The following TAFA2 variants were observed in gnomAD, a reference collection of about 807,000 sequenced individuals.
The protein encoded by TAFA2 is TAFA chemokine like family member 2.
A neutral mutation model predicts 18.8 loss-of-function variants in TAFA2; 7 were observed. The observed-to-expected ratio is 0.37, with a 90% CI of 0.21 to 0.70. TAFA2 has a LOEUF of 0.70. Ranked by LOEUF, TAFA2 falls within the 30% of genes least tolerant of loss-of-function variation. The probability of loss-of-function intolerance (pLI) is 0.53; values close to 1 mark genes in which losing one functional copy is unlikely to be tolerated. For missense variants in TAFA2, 122 were observed against 158.1 expected, an observed-to-expected ratio of 0.77 and a Z score of 1.23; for synonymous variants, 60 against 54.2, an observed-to-expected ratio of 1.11 and a Z score of -0.47.
At chr12:62,226,856 C>T (rs2136981717) in intron 1 of TAFA2, among the ~76,000 whole-genome samples, 1 of 152,316 alleles carries the variant, frequency 6.6e-6, no homozygotes, top group African/African-American at 2.4e-5. Flanking sequence ...TCCCCTGTAA[C>T]CCTGCTACTG....
intron 1 of TAFA2, among the ~76,000 whole-genome samples, chr12:61,892,494 T>C (rs1314758659): frequency 6.6e-6 from 1 of 152,204 alleles, no homozygotes; most frequent in African/African-American, 2.4e-5. Context: ...CAGTGAACAA[T>C]GATTTAATAT....
chr12:62,110,745 T>C (rs1325135811), intron 1 of TAFA2, among the ~76,000 whole-genome samples: 1 of 151,794 alleles, frequency 6.6e-6, no homozygotes, highest in African/African-American at 2.4e-5. Flanking sequence ...AGGTGTTTGT[T>C]CATTTCTTCT....
intron 1 of TAFA2, among the ~76,000 whole-genome samples, chr12:61,977,862 A>G (rs1879491876): frequency 6.6e-6 from 1 of 152,030 alleles, no homozygotes; most frequent in South Asian, 2.1e-4. Context: ...CTCATCTTCT[A>G]ATCAGTTTTC....
At chr12:61,858,584 T>C (rs1873985313) in intron 2 of TAFA2, among the ~76,000 whole-genome samples, 1 of 152,140 alleles carries the variant, frequency 6.6e-6, no homozygotes, top group Admixed American at 6.5e-5. Context: ...ATGGGAATTT[T>C]GTTAAGAAAC....
At chr12:62,122,694 T>A (rs953556341) in intron 1 of TAFA2, among the ~76,000 whole-genome samples, 16 of 152,198 alleles carry the variant, frequency 1.1e-4, no homozygotes, top group African/African-American at 3.6e-4. Flanking sequence ...AATGAGTGAT[T>A]GATAACATAC....
chr12:62,021,381 C>T (rs1276746612), intron 1 of TAFA2, among the ~76,000 whole-genome samples: 4 of 152,016 alleles, frequency 2.6e-5, no homozygotes, highest in African/African-American at 4.8e-5. Flanking sequence ...GTACCCATCA[C>T]CTGAGCAGTA....
intron 1 of TAFA2, among the ~76,000 whole-genome samples, chr12:61,972,156 C>T (rs2136666100): frequency 6.6e-6 from 1 of 151,650 alleles, no homozygotes; most frequent in South Asian, 2.1e-4. Flanking sequence ...GTAAGCCTGT[C>T]ATGGAGGTTT....
At chr12:62,006,055 T>C (rs1880539638) in intron 1 of TAFA2, among the ~76,000 whole-genome samples, 1 of 152,186 alleles carries the variant, frequency 6.6e-6, no homozygotes, top group East Asian at 1.9e-4. Flanking sequence ...TTTATTGTAT[T>C]TCTTTCTTCT....
At chr12:61,927,247 T>C (rs949186271) in intron 1 of TAFA2, among the ~76,000 whole-genome samples, 2 of 152,258 alleles carry the variant, frequency 1.3e-5, no homozygotes, top group East Asian at 3.9e-4. Context: ...GATGACATGA[T>C]TGTATATTTA....
At chr12:62,207,500 C>T (rs997171468) in intron 1 of TAFA2, among the ~76,000 whole-genome samples, 2 of 151,892 alleles carry the variant, frequency 1.3e-5, no homozygotes, top group African/African-American at 4.8e-5. Flanking sequence ...ATACACGAGA[C>T]AAGAAGCTCA....
chr12:62,186,159 A>T (rs1341167487), intron 1 of TAFA2, among the ~76,000 whole-genome samples: 2 of 152,162 alleles, frequency 1.3e-5, no homozygotes, highest in Non-Finnish European at 2.9e-5. Context: ...TTTCTTTATT[A>T]TTAAACTCAA....
chr12:61,883,607 G>A (rs1875244511), intron 1 of TAFA2, among the ~76,000 whole-genome samples: 1 of 152,154 alleles, frequency 6.6e-6, no homozygotes, highest in South Asian at 2.1e-4. Flanking sequence ...AGAGAATGAT[G>A]TATGAATATT....
intron 1 of TAFA2, among the ~76,000 whole-genome samples, chr12:61,964,282 A>G (rs569147224): frequency 6.6e-6 from 1 of 152,134 alleles, no homozygotes; most frequent in South Asian, 2.1e-4. Context: ...ATCAGAGTGA[A>G]CAGGAAATTC....
chr12:62,196,470 T>C (rs1233225510), upstream of TAFA2, among the ~76,000 whole-genome samples: 1 of 152,208 alleles, frequency 6.6e-6, no homozygotes, highest in East Asian at 1.9e-4. Flanking sequence ...CATGAGACTC[T>C]TCCTTTCATT....
At chr12:62,090,270 T>G (rs1146078) in intron 1 of TAFA2, among the ~76,000 whole-genome samples, 61,497 of 151,856 alleles carry the variant, frequency 0.4, 12,787 homozygotes, top group African/African-American at 0.46. Context: ...GAAAAAGCTT[T>G]TCCTATAAAC....
chr12:61,782,167 G>A (rs1022981955), intron 2 of TAFA2, among the ~76,000 whole-genome samples: 10 of 151,606 alleles, frequency 6.6e-5, no homozygotes, highest in African/African-American at 2.4e-4. Flanking sequence ...CCTCACAGCT[G>A]AGCATTCCAA....
intron 1 of TAFA2, among the ~76,000 whole-genome samples, chr12:62,087,611 G>A (rs1868509840): frequency 6.6e-6 from 1 of 152,174 alleles, no homozygotes; most frequent in African/African-American, 2.4e-5. Context: ...TCCTGGGAAT[G>A]TAGATAAGGG....
chr12:62,143,140 G>T (rs549649794), intron 1 of TAFA2, among the ~76,000 whole-genome samples: 1 of 152,268 alleles, frequency 6.6e-6, no homozygotes, highest in South Asian at 2.1e-4. Context: ...TGCCTAGCAA[G>T]GTTTTTCAAC....
chr12:61,934,094 A>G (rs1346266368), intron 1 of TAFA2, among the ~76,000 whole-genome samples: 1 of 152,218 alleles, frequency 6.6e-6, no homozygotes. Flanking sequence ...TTGTTTTCCT[A>G]GTTTATACAA....
Sources: gnomAD v4.1 joint callset for allele counts (sites outside exome capture counted in the v4.1 genomes callset) on GRCh38, gnomAD v4.1.1 for gene constraint, MANE v1.5 for transcripts, NCBI Gene and HGNC (gene_info 2026-07-23, HGNC 2026-07-21) for gene names.